GLIS1: variants seen among roughly 807,000 people sequenced by gnomAD.
GLIS1 encodes the protein zinc finger protein GLIS1.
Under a neutral mutation model 63.8 loss-of-function variants are expected in GLIS1, and 24 were observed. The ratio of observed to expected loss-of-function variants is 0.38; its 90% CI spans 0.27 to 0.53. The LOEUF (loss-of-function observed/expected upper bound fraction) is 0.53. Among genes scored for constraint, GLIS1 ranks in the 20% least tolerant of loss-of-function variants. The pLI is 0.85. For missense variants in GLIS1, 1,036 were observed against 1,074.1 expected (o/e 0.96, Z 0.50); for synonymous variants, 450 against 482.5 (o/e 0.93, Z 0.88).
At chr1:53,654,317 C>T (rs1369955725) in intron 2 of GLIS1, among the ~76,000 whole-genome samples, 3 of 152,126 alleles carry the variant, frequency 2.0e-5, no homozygotes, top group Non-Finnish European at 2.9e-5. Context: ...AAGCAACCTG[C>T]GAAGTCAGAA....
intron 2 of GLIS1, among the ~76,000 whole-genome samples, chr1:53,630,441 G>A (rs952857823): frequency 6.6e-6 from 1 of 151,922 alleles, no homozygotes; most frequent in Non-Finnish European, 1.5e-5. Flanking sequence ...CTGCCCTCCA[G>A]AAAGATCAGC....
chr1:53,732,132 A>C (rs2100575920), intron 2 of GLIS1, among the ~76,000 whole-genome samples: 1 of 152,354 alleles, frequency 6.6e-6, no homozygotes, highest in Non-Finnish European at 1.5e-5. Context: ...AGCGCATCTG[A>C]CTCAAATGCT....
Position 53,669,712 on chromosome 1 carries a change from G to A in GLIS1, c.259+68094C>T, listed in dbSNP as rs75362881. 9.3e-3 allele frequency among the ~76,000 whole-genome samples: 1,411 copies of A among 152,260 alleles called. 16 individuals are homozygous for A. Among genetic ancestry groups the A allele is most frequent in the African/African-American group, 0.033 (1,351 of 41,554 alleles). On this transcript the variant is annotated intron_variant, in intron 2 of 10. Transcript: ENST00000628545. The stretch of plus-strand genomic sequence containing the variant: ...CTTTGATCCCAGCCCCTCCCATCAC[G>A]TGCTAACTGCCTGCTATGTGCCTAT...
chr1:53,524,404 C>T (rs1322589795), intron 6 of GLIS1, among the ~76,000 whole-genome samples: 1 of 152,242 alleles, frequency 6.6e-6, no homozygotes. Context: ...TGTCTGCTGT[C>T]GCCTGCCAGG....
intron 2 of GLIS1, among the ~76,000 whole-genome samples, chr1:53,648,508 T>C (rs905104643): frequency 6.6e-6 from 1 of 152,214 alleles, no homozygotes. Context: ...TTCCTACATA[T>C]ATACCCAATA....
chr1:53,737,684 A>G, intron 2 of GLIS1, 122 bp downstream of exon 2: 1 of 986,346 alleles, frequency 1.0e-6, no homozygotes, highest in Non-Finnish European at 1.3e-6. Flanking sequence ...CCCAAACAAT[A>G]AGAGAGAAAC....
chr1:53,715,106 A>G (rs987059309), intron 2 of GLIS1, among the ~76,000 whole-genome samples: 6 of 152,066 alleles, frequency 3.9e-5, no homozygotes, highest in Admixed American at 1.3e-4. Flanking sequence ...TTGTAGCAAC[A>G]GGTCTCACTA....
intron 2 of GLIS1, among the ~76,000 whole-genome samples, chr1:53,632,933 A>T (rs1645677902): frequency 8.2e-6 from 1 of 122,234 alleles, no homozygotes; most frequent in Middle Eastern, 6.9e-3. Flanking sequence ...AGTGTGACTG[A>T]GGGGCATGTG....
intron 2 of GLIS1, among the ~76,000 whole-genome samples, chr1:53,659,626 G>A (rs1646004590): frequency 6.6e-6 from 1 of 152,112 alleles, no homozygotes; most frequent in South Asian, 2.1e-4. Flanking sequence ...ATGTTTGTGA[G>A]GGGGCCACAC....
intron 2 of GLIS1, among the ~76,000 whole-genome samples, chr1:53,672,461 C>T (rs1646163092): frequency 6.6e-6 from 1 of 152,242 alleles, no homozygotes; most frequent in African/African-American, 2.4e-5. Context: ...CCAAGATCAC[C>T]TACTCTGTGA....
intron 2 of GLIS1, among the ~76,000 whole-genome samples, chr1:53,614,838 G>A (rs892545046): frequency 1.4e-5 from 2 of 145,828 alleles, no homozygotes; most frequent in Non-Finnish European, 1.5e-5. Context: ...TCACACACAT[G>A]CACACACACG....
chr1:53,733,171 G>A (rs1646879862), intron 2 of GLIS1, among the ~76,000 whole-genome samples: 1 of 152,126 alleles, frequency 6.6e-6, no homozygotes, highest in African/African-American at 2.4e-5. Flanking sequence ...GTGATTCATT[G>A]TGCACTTATG....
At chr1:53,609,869 A>G (rs941542882) in intron 2 of GLIS1, among the ~76,000 whole-genome samples, 2 of 152,194 alleles carry the variant, frequency 1.3e-5, no homozygotes, top group Non-Finnish European at 2.9e-5. Flanking sequence ...GGTATAGCCT[A>G]TTGCTCCTGT....
chr1:53,594,062 C>T (rs747842241), intron 4 of GLIS1, 46 bp downstream of exon 4: 2 of 1,563,658 alleles, frequency 1.3e-6, no homozygotes, highest in African/African-American at 2.7e-5. Context: ...GAGTGCTGCT[C>T]TGCCAGAGGG....
intron 4 of GLIS1, among the ~76,000 whole-genome samples, chr1:53,567,249 G>C (rs58651777): frequency 0.29 from 44,589 of 152,110 alleles, 8,992 homozygotes; most frequent in African/African-American, 0.58. Context: ...CCCTGCTCTA[G>C]GGATCTGTGG....
In GLIS1 at chr1:53,608,896, C is replaced by T. The variant is rs532884014; in HGVS notation, c.260-8618G>A. 7.2e-5 allele frequency among the ~76,000 whole-genome samples: 11 copies of T among 152,260 alleles called. No homozygotes were observed. The South Asian group carries it at 1.7e-3, about 23-fold the overall frequency. On this transcript the variant is annotated intron_variant, in intron 2 of 10. Transcript: ENST00000628545. ...CTGGCAGTTCTGTTTGATGACTCTG[C>T]CCCCCTGCATGTGAATGAGGATGCA...
chr1:53,568,056 A>G lies in GLIS1; in HGVS notation c.1320+26052T>C, dbSNP rs535836211. On this transcript the variant is annotated intron_variant, in intron 4 of 10. Transcript: ENST00000628545. Reference sequence around the variant, plus strand: ...TGGAGATCCACTGACAGCTTGCACCATGTGCCTGGGAAAGCCACAGGTACT... The same window carrying G: ...TGGAGATCCACTGACAGCTTGCACCGTGTGCCTGGGAAAGCCACAGGTACT... 5.3e-5 allele frequency among the ~76,000 whole-genome samples: 8 copies of G among 152,348 alleles called. No individual in the cohort carries two copies. The South Asian group carries it at 1.2e-3, about 24-fold the overall frequency.
chr1:53,682,229 G>T (rs1014336031), intron 2 of GLIS1, among the ~76,000 whole-genome samples: 1 of 152,190 alleles, frequency 6.6e-6, no homozygotes, highest in Non-Finnish European at 1.5e-5. Flanking sequence ...AGACCCGCTT[G>T]CAGCCATGCA....
At chr1:53,694,104 G>T (rs1646438700) in intron 2 of GLIS1, among the ~76,000 whole-genome samples, 2 of 152,228 alleles carry the variant, frequency 1.3e-5, no homozygotes, top group Non-Finnish European at 2.9e-5. Context: ...TGCATGGAGG[G>T]ACACTCTAGG....
Sources: gnomAD v4.1 joint callset for allele counts (sites outside exome capture counted in the v4.1 genomes callset) on GRCh38, gnomAD v4.1.1 for gene constraint, MANE v1.5 for transcripts, NCBI Gene and HGNC (gene_info 2026-07-23, HGNC 2026-07-21) for gene names.